FAP: variants seen among roughly 807,000 people sequenced by gnomAD.
FAP encodes prolyl endopeptidase FAP.
A neutral mutation model predicts 126.5 loss-of-function variants in FAP; 110 were observed. The observed-to-expected ratio is 0.87, with a 90% CI of 0.74 to 1.02. FAP has a LOEUF of 1.02. Ranked by LOEUF, FAP falls within the 50% of genes least tolerant of loss-of-function variation. The pLI, the probability that FAP is intolerant of heterozygous loss-of-function variation, is 0.00. For synonymous variants in FAP, 334 were observed against 297.3 expected, an observed-to-expected ratio of 1.12 and a Z score of -1.27; for missense variants, 919 against 909.2, an observed-to-expected ratio of 1.01 and a Z score of -0.14.
chr2:162,221,879 G>A (rs1255181614), intron 6 of FAP, among the ~76,000 whole-genome samples: 3 of 151,994 alleles, frequency 2.0e-5, no homozygotes, highest in Non-Finnish European at 2.9e-5. Flanking sequence ...GAAATTGGTG[G>A]TATTCAGCGA....
chr2:162,233,986 T>C (rs1164544888), intron 2 of FAP, among the ~76,000 whole-genome samples: 4 of 152,218 alleles, frequency 2.6e-5, no homozygotes, highest in Non-Finnish European at 5.9e-5. Context: ...TTGAATTGTC[T>C]TGGCATCCTC....
intron 2 of FAP, among the ~76,000 whole-genome samples, chr2:162,226,895 C>A (rs932154127): frequency 2.0e-5 from 3 of 152,042 alleles, no homozygotes; most frequent in African/African-American, 7.2e-5. Context: ...CAGAGGAAGG[C>A]CATGCAGAGT....
chr2:162,226,483 A>G (rs1239056288), intron 3 of FAP, 40 bp downstream of exon 3: 1 of 1,095,694 alleles, frequency 9.1e-7, no homozygotes, highest in Non-Finnish European at 1.3e-6. Context: ...ACCAAACAAA[A>G]TACATAAAAA....
At chr2:162,175,070 G>A in intron 21 of FAP, 104 bp from the exon 22 acceptor site, 2 of 749,326 alleles carry the variant, frequency 2.7e-6, no homozygotes, top group East Asian at 2.7e-5. Context: ...GGGAGCTGGA[G>A]AATATGGCTA....
chr2:162,204,907 G>A (rs540566669), intron 12 of FAP, among the ~76,000 whole-genome samples: 7 of 152,238 alleles, frequency 4.6e-5, no homozygotes, highest in African/African-American at 1.7e-4. Context: ...CACAACCTTA[G>A]TACATATACA....
chr2:162,239,727 C>G (rs377664222), intron 2 of FAP, among the ~76,000 whole-genome samples: 1 of 152,040 alleles, frequency 6.6e-6, no homozygotes, highest in Non-Finnish European at 1.5e-5. Flanking sequence ...AAAAAAATAA[C>G]TAACATTTGT....
At chr2:162,234,081 A>G (rs1448381373) in intron 2 of FAP, among the ~76,000 whole-genome samples, 1 of 152,242 alleles carries the variant, frequency 6.6e-6, no homozygotes, top group East Asian at 1.9e-4. Flanking sequence ...TCCTTATGCC[A>G]GTAACACACT....
chr2:162,203,117 T>G lies in FAP; in HGVS notation c.1076A>C (p.Tyr359Ser). The change falls in exon 13 of 26, where the codon TAT becomes TCT. Residue 359 changes from tyrosine (Y) to serine (S), a missense_variant. By Grantham distance (144) the Tyr-to-Ser change is moderately radical (BLOSUM62 -2). Transcript: ENST00000188790. ...GFFVSTPVFS[Y>S]DAISYYKIFS... is the part of the protein sequence containing the mutation. Reference sequence around the variant, plus strand: ...TATTTTGTAGTACGAAATGGCATCATAGCTGAAAACTGGTGTTGAAACAAA... The same window carrying G: ...TATTTTGTAGTACGAAATGGCATCAGAGCTGAAAACTGGTGTTGAAACAAA... The G allele has an allele frequency of 1.9e-6, 3 of 1,613,066 alleles. No individual in the cohort carries two copies. The South Asian group carries it at 3.3e-5, about 18-fold the overall frequency.
At chr2:162,203,438 A>T (rs1688576475) in intron 12 of FAP, among the ~76,000 whole-genome samples, 1 of 152,218 alleles carries the variant, frequency 6.6e-6, no homozygotes, top group Non-Finnish European at 1.5e-5. Flanking sequence ...GTGGTTTGAA[A>T]CGGAGTTAAA....
chr2:162,213,779 A>C (rs951909635), intron 11 of FAP, among the ~76,000 whole-genome samples, 159 bp downstream of exon 11: 1 of 152,226 alleles, frequency 6.6e-6, no homozygotes, highest in African/African-American at 2.4e-5. Flanking sequence ...TATTTAATAA[A>C]ATGATGGACC....
At chr2:162,171,161 C>A in intron 25 of FAP, 81 bp from the exon 26 acceptor site, 1 of 966,962 alleles carries the variant, frequency 1.0e-6, no homozygotes, top group South Asian at 1.4e-5. Flanking sequence ...GCTCTCAGGA[C>A]CTGATAATCT....
chr2:162,214,190 A>T, intron 10 of FAP, 117 bp from the exon 11 acceptor site: 2 of 800,536 alleles, frequency 2.5e-6, no homozygotes, highest in Non-Finnish European at 3.6e-6. Flanking sequence ...CTTATTTAAT[A>T]GGTAAGCAAG....
intron 6 of FAP, among the ~76,000 whole-genome samples, chr2:162,221,163 C>T (rs1014006957): frequency 1.3e-5 from 2 of 152,080 alleles, no homozygotes; most frequent in Admixed American, 1.3e-4. Context: ...CAATGAGAGT[C>T]CTGGCCGCCA....
At chr2:162,238,091 ATATTAGCC>A (rs1400686686) in intron 2 of FAP, among the ~76,000 whole-genome samples, 1 of 151,158 alleles carries the variant, frequency 6.6e-6, no homozygotes, top group Non-Finnish European at 1.5e-5. Flanking sequence ...TAGATTCTGG[ATATTAGCC>A]CTTTGTCAGG....
At chr2:162,223,537 A>T (rs1689501819) in intron 6 of FAP, 71 bp downstream of exon 6, 1 of 1,014,236 alleles carries the variant, frequency 9.9e-7, no homozygotes, top group Non-Finnish European at 1.5e-6. Flanking sequence ...TCTTAACCCC[A>T]AATCATAGTT....
intron 2 of FAP, among the ~76,000 whole-genome samples, chr2:162,236,633 C>G (rs534168093): frequency 6.6e-6 from 1 of 152,166 alleles, no homozygotes; most frequent in South Asian, 2.1e-4. Context: ...GGCAGGGAGA[C>G]AGAGTCTTGC....
intron 2 of FAP, among the ~76,000 whole-genome samples, chr2:162,234,153 A>G (rs906601303): frequency 2.6e-5 from 4 of 152,138 alleles, no homozygotes; most frequent in African/African-American, 9.7e-5. Flanking sequence ...CTCTAAGTTT[A>G]TTATTCTTTT....
chr2:162,219,492 A>G (rs1351650129), intron 7 of FAP, among the ~76,000 whole-genome samples: 1 of 152,160 alleles, frequency 6.6e-6, no homozygotes, highest in Non-Finnish European at 1.5e-5. Flanking sequence ...AGCTAGCCAG[A>G]TCTAATCTTT....
intron 3 of FAP, among the ~76,000 whole-genome samples, chr2:162,226,197 T>G (rs913044202): frequency 1.8e-4 from 28 of 152,168 alleles, no homozygotes; most frequent in Non-Finnish European, 3.8e-4. Context: ...GAATTTCTCT[T>G]TTGGTAAAAT....
Sources: allele counts gnomAD v4.1 joint callset (sites outside exome capture counted in the v4.1 genomes callset), GRCh38; gene constraint gnomAD v4.1.1; transcripts MANE v1.5; gene names NCBI Gene and HGNC (gene_info 2026-07-23, HGNC 2026-07-21).